AAK1: variants seen among roughly 807,000 people sequenced by gnomAD.
The protein encoded by AAK1 is AP2 associated kinase 1, also known as AP2-associated protein kinase 1.
A neutral mutation model predicts 116.0 loss-of-function variants in AAK1; 37 were observed. The observed-to-expected ratio is 0.32, with a 90% CI of 0.25 to 0.42. The LOEUF (loss-of-function observed/expected upper bound fraction) is 0.42, where lower values mean the gene tolerates loss of function less well. Among genes scored for constraint, AAK1 ranks in the 10% least tolerant of loss-of-function variants. AAK1 has a pLI of 1.00. For synonymous variants in AAK1, 458 were observed against 439.9 expected (o/e 1.04, Z -0.51); for missense variants, 919 against 1,170.6 (o/e 0.79, Z 3.14).
intron 2 of AAK1, among the ~76,000 whole-genome samples, chr2:69,583,489 T>C: frequency 6.6e-6 from 1 of 152,186 alleles, no homozygotes; most frequent in Non-Finnish European, 1.5e-5. Flanking sequence ...GGCAAAGAGA[T>C]TTTCTGTTAA....
chr2:69,476,801 C>T, intron 21 of AAK1, 79 bp downstream of exon 21: 1 of 935,520 alleles, frequency 1.1e-6, no homozygotes, highest in Non-Finnish European at 1.7e-6. Context: ...GCTTTTCTTC[C>T]CCCTTGCAGA....
chr2:69,571,079 G>A (rs578116032), intron 2 of AAK1, among the ~76,000 whole-genome samples: 3 of 152,206 alleles, frequency 2.0e-5, no homozygotes, highest in African/African-American at 7.2e-5. Flanking sequence ...TTTCTTGCTA[G>A]GACTATATTC....
intron 13 of AAK1, among the ~76,000 whole-genome samples, chr2:69,513,931 T>C (rs571908532): frequency 7.2e-5 from 11 of 152,310 alleles, no homozygotes; most frequent in African/African-American, 1.9e-4. Flanking sequence ...ATGGCTCAAA[T>C]GACTGGATAC....
At chr2:69,621,656 T>C (rs141355792) in intron 2 of AAK1, among the ~76,000 whole-genome samples, 55 of 152,242 alleles carry the variant, frequency 3.6e-4, no homozygotes, top group African/African-American at 1.2e-3. Flanking sequence ...CAGCAATAGA[T>C]GACTAAAACA....
chr2:69,502,737 C>G (rs2104951793), intron 16 of AAK1, among the ~76,000 whole-genome samples: 1 of 152,266 alleles, frequency 6.6e-6, no homozygotes, highest in South Asian at 2.1e-4. Context: ...TTAATCGAAA[C>G]AAAATTTATA....
rs536351362 is a variant in AAK1 at position 69,459,249 on chromosome 2, C to T, written c.*16620G>A. 6.6e-6 allele frequency: 1 copy of T among 152,220 alleles called. No individual in the cohort carries two copies. The highest frequency in any genetic ancestry group is 1.5e-5 in the Non-Finnish European group (1 of 68,024). 9.4% of individuals were successfully genotyped at this position (152,220 alleles called of 1,614,324 possible). ...TCATAATAGGGAAGGTGAGCCATTTCATTCATTCATGTTTTGTTTGTTTTG... is the reference window on the plus strand; with the variant it reads ...TCATAATAGGGAAGGTGAGCCATTTTATTCATTCATGTTTTGTTTGTTTTG... On this transcript the variant is annotated 3_prime_UTR_variant, in exon 22 of 22. Coordinates refer to ENST00000409085, the MANE Select transcript of AAK1 (RefSeq NM_014911.5).
At chr2:69,565,156 C>A (rs1420706734) in intron 2 of AAK1, among the ~76,000 whole-genome samples, 1 of 152,162 alleles carries the variant, frequency 6.6e-6, no homozygotes, top group Non-Finnish European at 1.5e-5. Flanking sequence ...GGAGTGGGGC[C>A]GGTGGCCCTG....
intron 2 of AAK1, among the ~76,000 whole-genome samples, chr2:69,631,710 T>A (rs1177765239): frequency 6.6e-6 from 1 of 152,248 alleles, no homozygotes; most frequent in Non-Finnish European, 1.5e-5. Context: ...AAGGGTGCAG[T>A]GGCTCACACC....
chr2:69,505,135 CCACACACACACACACA>C (rs10585161), intron 16 of AAK1, among the ~76,000 whole-genome samples: 1 of 139,676 alleles, frequency 7.2e-6, no homozygotes, highest in East Asian at 2.1e-4. Flanking sequence ...GCACACACAC[CCACACACACACACACA>C]CACACAGTTT....
At position 69,500,692 on chromosome 2, in the gene AAK1, TATATATACAC is replaced by T. The variant is rs1453211963; in HGVS notation, c.2270-4622_2270-4613del. 1.4e-3 allele frequency among the ~76,000 whole-genome samples: 161 copies of T among 113,426 alleles called. 1 individual carries two copies. Among genetic ancestry groups the T allele is most frequent in the African/African-American group, 6.2e-3 (153 of 24,660 alleles). 74.4% of individuals were successfully genotyped at this position (113,426 alleles called of 152,430 possible). A position where few individuals can be genotyped will look rare whatever the true frequency, so the allele number is the denominator to read the frequency against. On this transcript the variant is annotated intron_variant, in intron 16 of 21. Transcript: ENST00000409085. ...ATATATATATATATATATATATATA[TATATATACAC>T]ACACACACACACACACACACACACA...
intron 2 of AAK1, among the ~76,000 whole-genome samples, chr2:69,623,974 A>G (rs550288199): frequency 9.8e-5 from 15 of 152,316 alleles, no homozygotes; most frequent in Non-Finnish European, 1.6e-4. Context: ...GAATATAAGT[A>G]AAGGAACATA....
intron 2 of AAK1, among the ~76,000 whole-genome samples, chr2:69,635,467 G>C (rs192549126): frequency 6.6e-6 from 1 of 152,186 alleles, no homozygotes; most frequent in African/African-American, 2.4e-5. Context: ...AGAACGCAGG[G>C]TCTTGAAGAG....
At chr2:69,495,874 T>A in intron 17 of AAK1, 111 bp downstream of exon 17, 1 of 841,280 alleles carries the variant, frequency 1.2e-6, no homozygotes, top group South Asian at 1.9e-5. Context: ...AGCCTATTAT[T>A]AGGGCTTGGA....
chr2:69,487,951 A>T (rs1339022597), intron 17 of AAK1, among the ~76,000 whole-genome samples: 4 of 151,852 alleles, frequency 2.6e-5, no homozygotes, highest in Non-Finnish European at 5.9e-5. Flanking sequence ...CACCACGCCC[A>T]GCTAATTTTT....
rs549088340 is a variant in AAK1, at chr2:69,463,505, T to C, written c.*12364A>G. The C allele has an allele frequency of 2.0e-5, 3 of 152,132 alleles. No individual in the cohort carries two copies. In the South Asian group the frequency reaches 6.2e-4, roughly 32 times the overall value. 9.4% of individuals were successfully genotyped at this position (152,132 alleles called of 1,614,324 possible). On this transcript the variant is annotated 3_prime_UTR_variant, in exon 22 of 22. Transcript: ENST00000409085. Reference sequence around the variant, plus strand: ...GCATATGTCACCATACCCAGCTAATTTTTTTCATTATTTTATTTAATTTTA... The same window carrying C: ...GCATATGTCACCATACCCAGCTAATCTTTTTCATTATTTTATTTAATTTTA...
At chr2:69,517,571 C>T (rs961773770) in intron 12 of AAK1, among the ~76,000 whole-genome samples, 15 of 146,560 alleles carry the variant, frequency 1.0e-4, no homozygotes, top group Non-Finnish European at 1.9e-4. Context: ...AGAGACATTA[C>T]AGACCTCCTG....
rs1358451046 is a variant in AAK1 at position 69,473,029 on chromosome 2, C to A, written c.*2840G>T. The stretch of plus-strand genomic sequence containing the variant: ...TCAGGATTATATAAATCCTTCATAG[C>A]CCTTCTCAATATAATAATATATACT... On this transcript the variant is annotated 3_prime_UTR_variant, in exon 22 of 22. Coordinates refer to ENST00000409085, the MANE Select transcript of AAK1 (RefSeq NM_014911.5). The A allele has an allele frequency of 2.1e-6, 2 of 974,602 alleles. No individual in the cohort carries two copies. The highest frequency in any genetic ancestry group is 2.4e-6 in the Non-Finnish European group (2 of 819,786). The allele number at this position is 974,602 out of a possible 1,614,324, so 60.4% of individuals were successfully genotyped here.
At chr2:69,481,141 T>G in intron 18 of AAK1, 180 bp from the exon 19 acceptor site, 1 of 491,318 alleles carries the variant, frequency 2.0e-6, no homozygotes, top group Non-Finnish European at 3.6e-6. Context: ...TGGTTACAAG[T>G]GTGAGCCACT....
At chr2:69,614,009 T>C (rs187684789) in intron 2 of AAK1, among the ~76,000 whole-genome samples, 6 of 152,280 alleles carry the variant, frequency 3.9e-5, no homozygotes, top group East Asian at 1.9e-4. Flanking sequence ...ATTTGAATAG[T>C]AGGACACCCA....
Sources: allele counts gnomAD v4.1 joint callset (sites outside exome capture counted in the v4.1 genomes callset), GRCh38; gene constraint gnomAD v4.1.1; transcripts MANE v1.5; gene names NCBI Gene and HGNC (gene_info 2026-07-23, HGNC 2026-07-21).